The following TWF2 variants were observed in gnomAD, a reference collection of about 807,000 sequenced individuals.
TWF2 encodes the protein twinfilin actin binding protein 2.
Under a neutral mutation model 45.1 loss-of-function variants are expected in TWF2, and 15 were observed. The ratio of observed to expected loss-of-function variants is 0.33; its 90% CI spans 0.22 to 0.51. The LOEUF is 0.51. TWF2 is among the 20% of genes least tolerant of loss of function. The probability of loss-of-function intolerance (pLI) is 0.97; values close to 1 mark genes in which losing one functional copy is unlikely to be tolerated. For missense variants in TWF2, 423 were observed against 469.1 expected (o/e 0.90, Z 0.91); for synonymous variants, 177 against 195.8 (o/e 0.90, Z 0.80).
intron 3 of TWF2, 90 bp from the exon 4 acceptor site, chr3:52,231,629 T>C (rs1251437231): frequency 1.4e-5 from 20 of 1,405,208 alleles, no homozygotes; most frequent in Admixed American, 4.1e-5. Flanking sequence ...CTCGGTGGGC[T>C]CACTGCGCTG....
intron 1 of TWF2, among the ~76,000 whole-genome samples, chr3:52,237,777 C>T (rs1197103052): frequency 6.6e-6 from 1 of 152,190 alleles, no homozygotes; most frequent in Non-Finnish European, 1.5e-5. Flanking sequence ...CCTGCCTTCG[C>T]GGGGCCAGGG....
Position 52,228,785 on chromosome 3 carries a change from C to T in TWF2, c.*249G>A. The T allele has an allele frequency of 1.7e-6, 1 of 576,248 alleles. No homozygotes were observed. Among genetic ancestry groups the T allele is most frequent in the East Asian group, 3.3e-5 (1 of 30,572 alleles). The allele number at this position is 576,248 out of a possible 1,614,324, so 35.7% of individuals were successfully genotyped here. Reference sequence around the variant, plus strand: ...GCCAGGTTCATGCCAGGCCCCTGACCCAGCCCCCTTAAGCCAGCCAGGCAG... The same window carrying T: ...GCCAGGTTCATGCCAGGCCCCTGACTCAGCCCCCTTAAGCCAGCCAGGCAG... On this transcript the variant is annotated 3_prime_UTR_variant, in exon 9 of 9. Coordinates refer to ENST00000305533, the MANE Select transcript of TWF2 (RefSeq NM_007284.4).
In TWF2 at chr3:52,232,160, C is replaced by A. The variant is rs559386623; in HGVS notation, c.104-38G>T. The A allele has an allele frequency of 2.3e-3, 3,479 of 1,482,218 alleles. 22 individuals carry two copies. In the Middle Eastern group the frequency reaches 0.025, roughly 11 times the overall value. 91.8% of individuals were successfully genotyped at this position (1,482,218 alleles called of 1,614,324 possible). A position where few individuals can be genotyped will look rare whatever the true frequency, so the allele number is the denominator to read the frequency against. On this transcript the variant is annotated intron_variant, in intron 2 of 8. Transcript: ENST00000305533. ...GCCGGATGAGCAGCCGCTCCCAGCT[C>A]CCACTGCGCCTCCCGCTGCAGACCT...
At chr3:52,233,442 T>C (rs1379157109) in intron 2 of TWF2, among the ~76,000 whole-genome samples, 1 of 152,172 alleles carries the variant, frequency 6.6e-6, no homozygotes, top group African/African-American at 2.4e-5. Flanking sequence ...ACTGGGAAAT[T>C]TTACATAAGA....
intron 1 of TWF2, among the ~76,000 whole-genome samples, chr3:52,238,039 T>C (rs1413069745): frequency 6.6e-6 from 1 of 152,176 alleles, no homozygotes; most frequent in East Asian, 1.9e-4. Flanking sequence ...CTCCCAGCCA[T>C]TGCTTCTCTC....
In TWF2 at chr3:52,231,496, T is replaced by C. The variant is rs1351298637; in HGVS notation, c.326A>G (p.Lys109Arg). 9 of 1,613,998 alleles carry C rather than the reference T, an allele frequency of 5.6e-6. No homozygotes were observed. The highest frequency in any genetic ancestry group is 7.6e-6 in the Non-Finnish European group (9 of 1,179,962). The part of the protein sequence containing the change: ...MLYAATRATV[K>R]KEFGGGHIKD... ...GATGTGGCCACCTCCAAACTCCTTTTTCACTGTGGCCCGCGTGGCCGCGTA... is the reference window on the plus strand; with the variant it reads ...GATGTGGCCACCTCCAAACTCCTTTCTCACTGTGGCCCGCGTGGCCGCGTA... The change falls in exon 4 of 9, where the codon AAA becomes AGA. Residue 109 changes from lysine (K) to arginine (R), a missense_variant. Lys to Arg is a conservative substitution (Grantham distance 26). Transcript: ENST00000305533.
intron 2 of TWF2, among the ~76,000 whole-genome samples, chr3:52,234,167 C>T (rs1699704666): frequency 2.0e-5 from 3 of 152,100 alleles, no homozygotes; most frequent in Admixed American, 2.0e-4. Flanking sequence ...CTGCTTTGAG[C>T]CAACACAACG....
chr3:52,229,603 C>T, intron 8 of TWF2, 58 bp downstream of exon 8: 1 of 1,595,080 alleles, frequency 6.3e-7, no homozygotes, highest in Non-Finnish European at 8.6e-7. Flanking sequence ...CCCAGCGCCC[C>T]ACATGGAGAT....
chr3:52,231,962 C>A lies in TWF2; in HGVS notation c.264G>T (p.Trp88Cys). The part of the protein sequence containing the change: ...AQGFEWLFLA[W>C]SPDNSPVRLK... Reference sequence around the variant, plus strand: ...GACTCACGGGGGAGTTATCAGGCGACCAGGCGAGGAAGAGCCATTCGAAGC... The same window carrying A: ...GACTCACGGGGGAGTTATCAGGCGAACAGGCGAGGAAGAGCCATTCGAAGC... The change falls in exon 3 of 9, where the codon TGG (tryptophan) becomes TGT (cysteine). Residue 88 changes from tryptophan (W) to cysteine (C), a missense_variant. Transcript: ENST00000305533. 6.2e-7 allele frequency: 1 copy of A among 1,613,550 alleles called. No homozygotes were observed. The highest frequency in any genetic ancestry group is 8.5e-7 in the Non-Finnish European group (1 of 1,179,656).
chr3:52,230,719 G>A (rs1035671010), intron 6 of TWF2, 151 bp downstream of exon 6: 5 of 1,225,660 alleles, frequency 4.1e-6, no homozygotes, highest in Non-Finnish European at 5.6e-6. Flanking sequence ...GGAGGGGTGG[G>A]GTGGACCATG....
chr3:52,231,928 C>T lies in TWF2; in HGVS notation c.282+16G>A. The T allele has an allele frequency of 6.2e-7, 1 of 1,606,354 alleles. No individual in the cohort carries two copies. Among genetic ancestry groups the T allele is most frequent in the Non-Finnish European group, 8.5e-7 (1 of 1,175,574 alleles). ...CCCCAGCTCCCCTCCTCACTTCCCA[C>T]TGGCCCAGGACTCACGGGGGAGTTA... On this transcript the variant is annotated intron_variant, in intron 3 of 8. Coordinates refer to ENST00000305533, the MANE Select transcript of TWF2 (RefSeq NM_007284.4).
rs538858236 is a variant in TWF2 at position 52,236,625 on chromosome 3, G to A, written c.26-1519C>T. ...GGCCAGGACTGGGCAACTCAGGGGC[G>A]GGGGGGCCTTTAGGAAAACAAACTC... On this transcript the variant is annotated intron_variant, in intron 1 of 8. Coordinates refer to ENST00000305533, the MANE Select transcript of TWF2 (RefSeq NM_007284.4). Among the ~76,000 whole-genome samples the A allele has an allele frequency of 2.1e-4, 32 of 152,066 alleles. 1 individual carries two copies. The highest frequency in any genetic ancestry group is 1.2e-3 in the South Asian group (6 of 4,808).
chr3:52,238,875 G>C (rs967607702), intron 1 of TWF2, 117 bp downstream of exon 1: 2 of 1,388,444 alleles, frequency 1.4e-6, no homozygotes, highest in African/African-American at 1.5e-5. Context: ...GGCTGCAAAA[G>C]AGAACAGGAA....
At chr3:52,237,920 C>A (rs1042369475) in intron 1 of TWF2, among the ~76,000 whole-genome samples, 1 of 152,222 alleles carries the variant, frequency 6.6e-6, no homozygotes, top group Non-Finnish European at 1.5e-5. Flanking sequence ...TGGCCAAACC[C>A]GCCAGGCTGT....
intron 2 of TWF2, among the ~76,000 whole-genome samples, chr3:52,232,482 C>T (rs1334878434): frequency 6.6e-6 from 1 of 152,152 alleles, no homozygotes; most frequent in Non-Finnish European, 1.5e-5. Context: ...CCCCACCGCA[C>T]AGCTGCTCAG....
Position 52,239,024 on chromosome 3 carries a change from C to G in TWF2, c.-8G>C. The stretch of plus-strand genomic sequence containing the variant: ...GCCCGTTTGGTGCGCCATGGCTCGG[C>G]GCTTCGCTCCGTCCGCGCCGTCGGA... On this transcript the variant is annotated 5_prime_UTR_variant, in exon 1 of 9. Coordinates refer to ENST00000305533, the MANE Select transcript of TWF2 (RefSeq NM_007284.4). The G allele has an allele frequency of 6.3e-7, 1 of 1,594,950 alleles. No individual in the cohort carries two copies. The highest frequency in any genetic ancestry group is 8.5e-7 in the Non-Finnish European group (1 of 1,177,992).
intron 6 of TWF2, 146 bp from the exon 7 acceptor site, chr3:52,230,216 C>A: frequency 8.8e-7 from 1 of 1,139,666 alleles, no homozygotes; most frequent in Non-Finnish European, 1.2e-6. Flanking sequence ...AATGGCCATC[C>A]CTCTATGGGG....
Position 52,231,506 on chromosome 3 carries a change from C to A in TWF2, c.316G>T (p.Ala106Ser), listed in dbSNP as rs372234847. The A allele has an allele frequency of 6.2e-7, 1 of 1,613,718 alleles. No homozygotes were observed. Among genetic ancestry groups the A allele is most frequent in the Admixed American group, 1.7e-5 (1 of 59,996 alleles). Residue 106 changes from alanine to serine, a missense_variant, in exon 4 of 9, where the codon GCC becomes TCC. Coordinates refer to ENST00000305533, the MANE Select transcript of TWF2 (RefSeq NM_007284.4). ...CCTCCAAACTCCTTTTTCACTGTGG[C>A]CCGCGTGGCCGCGTACAGCATCTTC... ...RLKMLYAATR[A>S]TVKKEFGGGH... is the part of the protein sequence containing the mutation.
intron 2 of TWF2, among the ~76,000 whole-genome samples, chr3:52,233,465 A>T (rs1380793543): frequency 1.3e-5 from 2 of 152,248 alleles, no homozygotes; most frequent in Non-Finnish European, 2.9e-5. Context: ...TAGAATTCTC[A>T]GCCTCTCTAG....
Sources: gnomAD v4.1 joint callset for allele counts (sites outside exome capture counted in the v4.1 genomes callset) on GRCh38, gnomAD v4.1.1 for gene constraint, MANE v1.5 for transcripts, NCBI Gene and HGNC (gene_info 2026-07-23, HGNC 2026-07-21) for gene names.